ULK4: variants seen among roughly 807,000 people sequenced by gnomAD.
ULK4 encodes the protein inactive serine/threonine-protein kinase ULK4.
ULK4 carries 133 observed loss-of-function variants against 160.6 expected under a neutral mutation model. That is an observed-to-expected ratio of 0.83 (90% CI 0.72 to 0.96). The LOEUF is 0.96. Ranked by LOEUF, ULK4 falls within the 40% of genes least tolerant of loss-of-function variation. ULK4 has a pLI of 0.00. For missense variants in ULK4, 1,580 were observed against 1,499.5 expected (o/e 1.05, Z -0.89); for synonymous variants, 534 against 539.8 (o/e 0.99, Z 0.15).
intron 32 of ULK4, among the ~76,000 whole-genome samples, chr3:41,467,608 T>C (rs9821157): frequency 0.39 from 58,635 of 151,960 alleles, 12,137 homozygotes; most frequent in African/African-American, 0.53. Context: ...TATAATCATA[T>C]AGTGGAATAT....
chr3:41,770,230 T>C (rs2039306635), intron 21 of ULK4, among the ~76,000 whole-genome samples: 1 of 152,196 alleles, frequency 6.6e-6, no homozygotes, highest in African/African-American at 2.4e-5. Flanking sequence ...ATGCATTAAA[T>C]TTCATAGTGA....
At chr3:41,368,205 G>A (rs2081291170) in intron 35 of ULK4, among the ~76,000 whole-genome samples, 2 of 151,750 alleles carry the variant, frequency 1.3e-5, no homozygotes, top group South Asian at 2.1e-4. Context: ...CCACCACGAC[G>A]CCCGGCTAAT....
At chr3:41,247,497 G>A (rs958967712) in intron 36 of ULK4, among the ~76,000 whole-genome samples, 1 of 151,854 alleles carries the variant, frequency 6.6e-6, no homozygotes, top group African/African-American at 2.4e-5. Context: ...TTAAAACTAT[G>A]TTTAACAACT....
intron 32 of ULK4, among the ~76,000 whole-genome samples, chr3:41,493,655 G>A (rs1250034955): frequency 1.4e-5 from 2 of 147,970 alleles, no homozygotes; most frequent in Non-Finnish European, 3.0e-5. Flanking sequence ...TTTTTTGAAA[G>A]GATCAACAAA....
intron 18 of ULK4, among the ~76,000 whole-genome samples, chr3:41,825,678 T>A (rs910379944): frequency 6.6e-6 from 1 of 152,156 alleles, no homozygotes; most frequent in African/African-American, 2.4e-5. Context: ...CAAATCTACG[T>A]CTGATTGGTG....
chr3:41,687,698 T>C (rs1476680523), intron 27 of ULK4, among the ~76,000 whole-genome samples: 4 of 152,116 alleles, frequency 2.6e-5, no homozygotes, highest in Non-Finnish European at 5.9e-5. Flanking sequence ...AAAAGACTAA[T>C]TTCACCAAAG....
intron 29 of ULK4, among the ~76,000 whole-genome samples, chr3:41,680,575 T>C (rs1399872116): frequency 6.6e-6 from 1 of 152,226 alleles, no homozygotes; most frequent in Non-Finnish European, 1.5e-5. Flanking sequence ...CCTAATATTA[T>C]ATGAGAGAGT....
chr3:41,259,109 T>C (rs2078896812), intron 35 of ULK4, among the ~76,000 whole-genome samples: 1 of 128,900 alleles, frequency 7.8e-6, no homozygotes, highest in Non-Finnish European at 1.5e-5. Context: ...TGTATATGTA[T>C]ATATGTGTAT....
At chr3:41,494,582 C>T (rs946662720) in intron 32 of ULK4, among the ~76,000 whole-genome samples, 22 of 151,752 alleles carry the variant, frequency 1.4e-4, no homozygotes, top group Non-Finnish European at 2.9e-4. Context: ...CTGGCCAGGA[C>T]AATTAGGCAG....
intron 32 of ULK4, among the ~76,000 whole-genome samples, chr3:41,483,285 T>C (rs1393124152): frequency 6.6e-6 from 1 of 152,212 alleles, no homozygotes; most frequent in Non-Finnish European, 1.5e-5. Context: ...ATTTTACTTA[T>C]TTTATTTACC....
rs2034803314 is a variant in ULK4, at chr3:41,653,070, C to T, written c.3071+10537G>A. On this transcript the variant is annotated intron_variant, in intron 30 of 36. Transcript: ENST00000301831. Reference sequence around the variant, plus strand: ...ACTAATCTAGAAGGAATGCCTATCCCGGGCCCAGCTAATTCCTAGAGACAG... The same window carrying T: ...ACTAATCTAGAAGGAATGCCTATCCTGGGCCCAGCTAATTCCTAGAGACAG... 2.7e-5 allele frequency among the ~76,000 whole-genome samples: 4 copies of T among 149,414 alleles called. No individual in the cohort carries two copies. In the South Asian group the frequency reaches 6.3e-4, roughly 23 times the overall value.
chr3:41,673,391 G>A (rs1479779107), intron 29 of ULK4, among the ~76,000 whole-genome samples: 1 of 152,124 alleles, frequency 6.6e-6, no homozygotes, highest in African/African-American at 2.4e-5. Flanking sequence ...ACCCTACAGT[G>A]TGTTGCCACT....
chr3:41,380,608 C>T (rs1437315076), intron 35 of ULK4, among the ~76,000 whole-genome samples: 3 of 152,108 alleles, frequency 2.0e-5, no homozygotes, highest in African/African-American at 7.2e-5. Context: ...CACTCACGGC[C>T]TCACCCATCC....
At chr3:41,310,481 G>A (rs138620278) in intron 35 of ULK4, among the ~76,000 whole-genome samples, 1 of 152,122 alleles carries the variant, frequency 6.6e-6, no homozygotes, top group African/African-American at 2.4e-5. Context: ...GGGAAAATCA[G>A]AAAAACACAG....
intron 35 of ULK4, among the ~76,000 whole-genome samples, chr3:41,331,701 A>G (rs189803808): frequency 1.9e-3 from 283 of 152,284 alleles, no homozygotes; most frequent in Non-Finnish European, 2.3e-3. Flanking sequence ...ATCTTTGCCA[A>G]ATTCACAGAA....
intron 17 of ULK4, among the ~76,000 whole-genome samples, chr3:41,870,694 C>T (rs952682281): frequency 2.6e-5 from 4 of 152,158 alleles, no homozygotes; most frequent in African/African-American, 7.2e-5. Flanking sequence ...CACTTTACCA[C>T]GTGTAGATTC....
At position 41,819,417 on chromosome 3, in the gene ULK4, C is replaced by G. The variant is rs766463165; in HGVS notation, c.1848+6G>C. ...GCATCTACAGAGGACAACAAAGGAG[C>G]CTTACCCCTTCCCGAAGGCACCTCA... On this transcript the variant is annotated splice_donor_region_variant and intron_variant, in intron 19 of 36. Transcript: ENST00000301831. The G allele has an allele frequency of 3.7e-6, 6 of 1,613,540 alleles. No homozygotes were observed. The highest frequency in any genetic ancestry group is 1.3e-5 in the African/African-American group (1 of 74,982).
chr3:41,891,926 C>T (rs1047645104), intron 16 of ULK4, among the ~76,000 whole-genome samples: 3 of 151,934 alleles, frequency 2.0e-5, no homozygotes, highest in Non-Finnish European at 1.5e-5. Context: ...AAAAAACCTA[C>T]CAAATGATAA....
At chr3:41,393,889 C>G (rs1185402187) in intron 35 of ULK4, among the ~76,000 whole-genome samples, 1 of 152,102 alleles carries the variant, frequency 6.6e-6, no homozygotes, top group Non-Finnish European at 1.5e-5. Context: ...AGCAATCCAA[C>G]CTGGGCTTGA....
Sources: gnomAD v4.1 joint callset for allele counts (sites outside exome capture counted in the v4.1 genomes callset) on GRCh38, gnomAD v4.1.1 for gene constraint, MANE v1.5 for transcripts, NCBI Gene and HGNC (gene_info 2026-07-23, HGNC 2026-07-21) for gene names.